The following CYRIB variants were observed in gnomAD, a reference collection of about 807,000 sequenced individuals.
CYRIB encodes the protein CYFIP-related Rac1 interactor B.
CYRIB carries 8 observed loss-of-function variants against 44.2 expected under a neutral mutation model. The ratio of observed to expected loss-of-function variants is 0.18; its 90% CI spans 0.11 to 0.33. The LOEUF (loss-of-function observed/expected upper bound fraction) is 0.33. Among genes scored for constraint, CYRIB ranks in the 10% least tolerant of loss-of-function variants. The pLI is 1.00. For missense variants in CYRIB, 185 were observed against 382.8 expected (o/e 0.48, Z 4.31); for synonymous variants, 131 against 127.2 (o/e 1.03, Z -0.20).
intron 1 of CYRIB, among the ~76,000 whole-genome samples, chr8:129,905,405 G>C (rs2074761763): frequency 6.6e-6 from 1 of 152,186 alleles, no homozygotes; most frequent in Non-Finnish European, 1.5e-5. Context: ...TCTTAGTAGA[G>C]ACGGGGTTTC....
At chr8:129,847,756 AAC>A (rs2040967514) in intron 10 of CYRIB, among the ~76,000 whole-genome samples, 1 of 152,208 alleles carries the variant, frequency 6.6e-6, no homozygotes, top group African/African-American at 2.4e-5. Flanking sequence ...CAGCAGAAAG[AAC>A]ACAGGCTTTG....
rs766306425 is a variant in CYRIB, at chr8:129,850,888, G to C, written c.660C>G (p.Thr220=). 1.9e-6 allele frequency: 3 copies of C among 1,611,360 alleles called. No homozygotes were observed. In the South Asian group the frequency reaches 3.3e-5, roughly 18 times the overall value. ...TAGCCATTGTGCTTAAACAATCTGTGGTATTTTCTATTGGTAAATTTTTAT... is the reference window on the plus strand; with the variant it reads ...TAGCCATTGTGCTTAAACAATCTGTCGTATTTTCTATTGGTAAATTTTTAT... Residue 220 remains threonine, a synonymous_variant, in exon 9 of 12, where the codon ACC becomes ACG. Transcript: ENST00000519824.
At chr8:129,982,153 T>A (rs2096263658) in intron 1 of CYRIB, among the ~76,000 whole-genome samples, 1 of 152,192 alleles carries the variant, frequency 6.6e-6, no homozygotes, top group Admixed American at 6.5e-5. Context: ...GGTAGCGACA[T>A]TAACAGGATC....
At chr8:129,860,178 A>C (rs2048602552) in intron 5 of CYRIB, among the ~76,000 whole-genome samples, 1 of 152,234 alleles carries the variant, frequency 6.6e-6, no homozygotes, top group South Asian at 2.1e-4. Flanking sequence ...CCATGATGGG[A>C]CACACACCAC....
At chr8:129,903,211 G>C (rs187613279) in intron 2 of CYRIB, 101 bp downstream of exon 4, 1 of 152,362 alleles carries the variant, frequency 6.6e-6, no homozygotes, top group East Asian at 1.9e-4. Context: ...ATTGTGTATA[G>C]AACATTTCCC....
chr8:129,965,599 G>A (rs751913796), intron 2 of CYRIB, among the ~76,000 whole-genome samples: 41 of 151,792 alleles, frequency 2.7e-4, no homozygotes, highest in South Asian at 1.5e-3. Context: ...GATCGAGACC[G>A]TCCTGGCTAA....
At chr8:129,877,586 T>G (rs1161227697) in intron 3 of CYRIB, among the ~76,000 whole-genome samples, 4 of 150,662 alleles carry the variant, frequency 2.7e-5, no homozygotes, top group Admixed American at 1.3e-4. Flanking sequence ...TAGGCAGAGG[T>G]TGCAGTGAGC....
chr8:129,981,356 G>A lies in CYRIB; in HGVS notation c.-295-10361C>T, dbSNP rs995695791. On this transcript the variant is annotated intron_variant, in intron 1 of 14. Transcript: ENST00000401979. ...GGTAAAGATGGGGTTTCGCCATGTC[G>A]GCCAGGCTGGTATTGAACTCCTGGA... Among the ~76,000 whole-genome samples, 7 of 152,074 alleles carry A rather than the reference G, an allele frequency of 4.6e-5. No individual in the cohort carries two copies. The South Asian group carries it at 8.3e-4, about 18-fold the overall frequency.
chr8:129,928,170 C>A (rs1409731124), intron 1 of CYRIB, among the ~76,000 whole-genome samples: 3 of 150,588 alleles, frequency 2.0e-5, no homozygotes, highest in African/African-American at 7.3e-5. Flanking sequence ...AAAATGCTTA[C>A]ACCTCAAAAG....
chr8:129,884,802 A>C (rs1487381544), intron 2 of CYRIB, among the ~76,000 whole-genome samples: 2 of 152,256 alleles, frequency 1.3e-5, no homozygotes, highest in Non-Finnish European at 2.9e-5. Context: ...ACACAGATTT[A>C]ATACACAGAA....
intron 1 of CYRIB, among the ~76,000 whole-genome samples, chr8:129,989,793 C>A (rs374570111): frequency 8.1e-6 from 1 of 123,928 alleles, no homozygotes; most frequent in Non-Finnish European, 1.7e-5. Context: ...ATCCCTCCCC[C>A]CTCCCCCCAC....
upstream of CYRIB, among the ~76,000 whole-genome samples, chr8:129,943,086 A>ACCCCCC (rs779721289): frequency 7.4e-4 from 75 of 101,504 alleles, no homozygotes; most frequent in African/African-American, 9.6e-4. Context: ...TGCACCGCCC[A>ACCCCCC]CCCGCCCCCC....
chr8:130,012,294 C>T (rs965799049), intron 1 of CYRIB, among the ~76,000 whole-genome samples: 6 of 152,178 alleles, frequency 3.9e-5, no homozygotes, highest in African/African-American at 1.2e-4. Context: ...TTCCATTCAG[C>T]GGAAGCGCCA....
At chr8:129,842,009 G>A in exon 12 of CYRIB, 1 of 652,820 alleles carries the variant, frequency 1.5e-6, no homozygotes, top group East Asian at 2.7e-5. Context: ...GATTAAAAAA[G>A]AGGGAAGAGG....
intron 2 of CYRIB, among the ~76,000 whole-genome samples, chr8:129,883,341 T>C (rs79013731): frequency 0.022 from 3,295 of 151,932 alleles, 141 homozygotes; most frequent in African/African-American, 0.075. Flanking sequence ...TACCGCCAAA[T>C]ATCTCCTGGG....
At chr8:129,865,451 C>T (rs1413569666) in intron 4 of CYRIB, among the ~76,000 whole-genome samples, 1 of 152,180 alleles carries the variant, frequency 6.6e-6, no homozygotes, top group Non-Finnish European at 1.5e-5. Context: ...GATACCTTAA[C>T]CCTATGTCGT....
At chr8:129,861,919 T>C (rs1356988934) in intron 5 of CYRIB, among the ~76,000 whole-genome samples, 1 of 152,204 alleles carries the variant, frequency 6.6e-6, no homozygotes, top group Non-Finnish European at 1.5e-5. Flanking sequence ...TATGGGAAAG[T>C]AATCCTCAGG....
chr8:129,919,153 C>T (rs562901896), intron 1 of CYRIB, among the ~76,000 whole-genome samples: 3 of 152,168 alleles, frequency 2.0e-5, no homozygotes, highest in South Asian at 2.1e-4. Context: ...TGTGAGCCAC[C>T]GTGCCCACCC....
chr8:129,979,701 A>C (rs1052633688), intron 1 of CYRIB, among the ~76,000 whole-genome samples: 2 of 152,156 alleles, frequency 1.3e-5, no homozygotes, highest in Non-Finnish European at 2.9e-5. Flanking sequence ...AGATCACCTG[A>C]AGTCAGGAGT....
Sources: allele counts gnomAD v4.1 joint callset (sites outside exome capture counted in the v4.1 genomes callset), GRCh38; gene constraint gnomAD v4.1.1; transcripts MANE v1.5; gene names NCBI Gene and HGNC (gene_info 2026-07-23, HGNC 2026-07-21).